The following FIGLA variants were observed in gnomAD, a reference collection of about 807,000 sequenced individuals.
The protein encoded by FIGLA is folliculogenesis specific bHLH transcription factor.
FIGLA carries 17 observed loss-of-function variants against 21.5 expected under a neutral mutation model. The observed-to-expected ratio is 0.79, with a 90% CI of 0.54 to 1.19. The LOEUF (loss-of-function observed/expected upper bound fraction) is 1.19. Among genes scored for constraint, FIGLA ranks in the 50% most tolerant of loss-of-function variants. FIGLA has a pLI of 0.00. For synonymous variants in FIGLA, 129 were observed against 117.6 expected (o/e 1.10, Z -0.63); for missense variants, 282 against 285.0 (o/e 0.99, Z 0.08).
chr2:70,785,943 C>T (rs1361885729), intron 2 of FIGLA, among the ~76,000 whole-genome samples: 2 of 152,322 alleles, frequency 1.3e-5, no homozygotes, highest in Middle Eastern at 3.4e-3. Context: ...AGGTAGCCAC[C>T]TACACATGTC....
intron 1 of FIGLA, among the ~76,000 whole-genome samples, chr2:70,790,019 T>C (rs905347846): frequency 1.2e-4 from 18 of 152,298 alleles, no homozygotes; most frequent in Admixed American, 4.6e-4. Flanking sequence ...AGGGGATCCC[T>C]GCGCGTCCCA....
intron 3 of FIGLA, among the ~76,000 whole-genome samples, chr2:70,778,383 A>G (rs1473940324): frequency 2.6e-5 from 4 of 152,222 alleles, no homozygotes; most frequent in African/African-American, 9.6e-5. Context: ...CAAAATATGT[A>G]TGAGTAGCTT....
intron 3 of FIGLA, 39 bp from the exon 4 acceptor site, chr2:70,777,710 A>T (rs1374198261): frequency 9.2e-7 from 1 of 1,082,644 alleles, no homozygotes; most frequent in African/African-American, 1.5e-5. Context: ...GGCTAAACAC[A>T]TCGGTTATTT....
intron 2 of FIGLA, among the ~76,000 whole-genome samples, chr2:70,786,228 C>CTT (rs34626238): frequency 1.0e-5 from 1 of 95,680 alleles, no homozygotes; most frequent in Non-Finnish European, 2.0e-5. Flanking sequence ...ACTTTTCTGC[C>CTT]TTTTTTTTTT....
chr2:70,787,778 A>G lies in FIGLA; in HGVS notation c.255T>C (p.Phe85=), dbSNP rs781915110. ...ATGGCACAAGTGCCTTCAATCTGGC[A>G]AAACCACGGTTGAGATTTTTTATCT... The part of the protein sequence containing the change: ...RERIKNLNRG[F]ARLKALVPFL... The change falls in exon 2 of 5, where the codon TTT becomes TTC. Residue 85 remains phenylalanine, a synonymous_variant. Coordinates refer to ENST00000332372, the MANE Select transcript of FIGLA (RefSeq NM_001004311.3). The G allele has an allele frequency of 7.4e-6, 12 of 1,613,004 alleles. No individual in the cohort carries two copies. Among genetic ancestry groups the G allele is most frequent in the Middle Eastern group, 1.6e-4 (1 of 6,062 alleles).
Position 70,790,558 on chromosome 2 carries a change from C to T in FIGLA, c.81G>A (p.Glu27=). The T allele has an allele frequency of 6.6e-7, 1 of 1,524,304 alleles. No homozygotes were observed. 94.4% of individuals were successfully genotyped at this position (1,524,304 alleles called of 1,614,324 possible). A position where few individuals can be genotyped will look rare whatever the true frequency, so the allele number is the denominator to read the frequency against. Residue 27 remains glutamate, a synonymous_variant, in exon 1 of 5, where the codon GAG becomes GAA. Transcript: ENST00000332372. ...LLGTPQAEVL[E]DVLREQFGPL... Reference sequence around the variant, plus strand: ...GCCCGAACTGCTCCCGCAACACGTCCTCCAGCACCTCGGCTTGCGGGGTGC... The same window carrying T: ...GCCCGAACTGCTCCCGCAACACGTCTTCCAGCACCTCGGCTTGCGGGGTGC...
At position 70,787,909 on chromosome 2, in the gene FIGLA, A is replaced by G. The variant is rs185320801; in HGVS notation, c.232-108T>C. On this transcript the variant is annotated intron_variant, in intron 1 of 4. Transcript: ENST00000332372. ...CACTGCCTCCTTGTCTGAGTGGCAA[A>G]TCTAAACAGGCATATGCCCCAAAGA... The G allele has an allele frequency of 1.5e-4, 171 of 1,136,102 alleles. No homozygotes were observed. The Admixed American group carries it at 4.2e-3, about 28-fold the overall frequency. 70.4% of individuals were successfully genotyped at this position (1,136,102 alleles called of 1,614,324 possible). A position where few individuals can be genotyped will look rare whatever the true frequency, so the allele number is the denominator to read the frequency against.
intron 2 of FIGLA, among the ~76,000 whole-genome samples, chr2:70,787,317 C>A (rs1373717779): frequency 6.6e-6 from 1 of 152,144 alleles, no homozygotes; most frequent in Non-Finnish European, 1.5e-5. Flanking sequence ...GGAAAGCCCC[C>A]TCCTATGTCC....
At chr2:70,781,404 T>C (rs1407779670) in intron 3 of FIGLA, among the ~76,000 whole-genome samples, 1 of 152,184 alleles carries the variant, frequency 6.6e-6, no homozygotes, top group Non-Finnish European at 1.5e-5. Context: ...GGCTGCCAGC[T>C]TAAGGAGCTT....
At chr2:70,788,634 CA>C (rs1396146028) in intron 1 of FIGLA, among the ~76,000 whole-genome samples, 2 of 151,950 alleles carry the variant, frequency 1.3e-5, no homozygotes, top group Non-Finnish European at 2.9e-5. Flanking sequence ...CATAGTTGGC[CA>C]ATTCACAGGA....
intron 3 of FIGLA, among the ~76,000 whole-genome samples, chr2:70,781,660 A>T (rs1350979493): frequency 6.6e-6 from 1 of 152,242 alleles, no homozygotes; most frequent in Admixed American, 6.5e-5. Flanking sequence ...TCTCAAGGGC[A>T]TCATCTGAGT....
chr2:70,781,208 G>C (rs1553389049), intron 3 of FIGLA, among the ~76,000 whole-genome samples: 1 of 152,172 alleles, frequency 6.6e-6, no homozygotes, highest in Non-Finnish European at 1.5e-5. Flanking sequence ...TAAAGTTCAA[G>C]TGGGTGAGGA....
At chr2:70,787,128 C>T (rs782801493) in intron 2 of FIGLA, among the ~76,000 whole-genome samples, 30 of 152,196 alleles carry the variant, frequency 2.0e-4, no homozygotes, top group Non-Finnish European at 3.2e-4. Flanking sequence ...TGTGTCATTC[C>T]TGCTGAATGG....
intron 3 of FIGLA, among the ~76,000 whole-genome samples, chr2:70,785,002 C>T (rs369707463): frequency 7.3e-5 from 11 of 150,098 alleles, no homozygotes; most frequent in African/African-American, 2.0e-4. Flanking sequence ...AAGCTACTTA[C>T]TTCTTTTTCT....
In FIGLA at chr2:70,785,414, C is replaced by G; in HGVS notation, c.609+1G>C. On this transcript the variant is annotated splice_donor_variant, in intron 3 of 4. Transcript: ENST00000332372. LOFTEE classifies it high-confidence loss of function. ...TGGGTATTTAAGAAGGAATATTTTA[C>G]CAGACTTCTGGTTGGGGAGATAATT... is the stretch of plus-strand genomic sequence containing the variant. The G allele has an allele frequency of 6.2e-7, 1 of 1,608,160 alleles. No individual in the cohort carries two copies. The highest frequency in any genetic ancestry group is 8.5e-7 in the Non-Finnish European group (1 of 1,175,110).
intron 1 of FIGLA, among the ~76,000 whole-genome samples, chr2:70,790,049 GGT>G (rs1456760719): frequency 6.6e-6 from 1 of 152,194 alleles, no homozygotes; most frequent in Non-Finnish European, 1.5e-5. Context: ...CAGCGCCTAC[GGT>G]GTGAGATGAA....
At chr2:70,778,453 T>C (rs782141304) in intron 3 of FIGLA, among the ~76,000 whole-genome samples, 6 of 152,088 alleles carry the variant, frequency 3.9e-5, no homozygotes, top group African/African-American at 7.2e-5. Context: ...TTCTTTCTTT[T>C]TATAGTTCAG....
At chr2:70,785,989 G>A (rs1419590904) in intron 2 of FIGLA, among the ~76,000 whole-genome samples, 2 of 152,152 alleles carry the variant, frequency 1.3e-5, no homozygotes, top group African/African-American at 2.4e-5. Context: ...CAACCATCCA[G>A]TTTGACCAAC....
At chr2:70,788,596 C>T (rs551059944) in intron 1 of FIGLA, among the ~76,000 whole-genome samples, 2 of 152,268 alleles carry the variant, frequency 1.3e-5, no homozygotes, top group South Asian at 4.1e-4. Context: ...TTGAGTATAT[C>T]CTACCCTGGA....
Sources: gnomAD v4.1 joint callset for allele counts (sites outside exome capture counted in the v4.1 genomes callset) on GRCh38, gnomAD v4.1.1 for gene constraint, MANE v1.5 for transcripts, NCBI Gene and HGNC (gene_info 2026-07-23, HGNC 2026-07-21) for gene names.